SLC6A7: variants seen among roughly 807,000 people sequenced by gnomAD.
SLC6A7 encodes solute carrier family 6 member 7.
A neutral mutation model predicts 73.1 loss-of-function variants in SLC6A7; 58 were observed. The ratio of observed to expected loss-of-function variants is 0.79; its 90% confidence interval spans 0.64 to 0.99. The LOEUF (loss-of-function observed/expected upper bound fraction) is 0.99, where lower values mean the gene tolerates loss of function less well. Among genes scored for constraint, SLC6A7 ranks in the 50% least tolerant of loss-of-function variants. The pLI, the probability that SLC6A7 is intolerant of heterozygous loss-of-function variation, is 0.00. For synonymous variants in SLC6A7, 338 were observed against 338.7 expected, an observed-to-expected ratio of 1.00 and a Z score of 0.02; for missense variants, 783 against 831.4, an observed-to-expected ratio of 0.94 and a Z score of 0.72.
Position 150,203,769 on chromosome 5 carries a change from T to C in SLC6A7, c.1190T>C (p.Leu397Pro). Residue 397 changes from leucine to proline, a missense_variant, in exon 9 of 14, where the codon CTA becomes CCA. Physicochemically the swap from Leu to Pro is moderately conservative, Grantham distance 98 (BLOSUM62 -3). Coordinates refer to ENST00000230671, the MANE Select transcript of SLC6A7 (RefSeq NM_014228.5). The part of the protein sequence containing the change: ...LFFFMLLTLG[L>P]DSQFAFLETI... The stretch of plus-strand genomic sequence containing the variant: ...TTCTTCATGCTTCTGACTCTCGGCC[T>C]AGATAGCCAGGTGAGTCTCGTCTGT... 5 of 1,597,138 alleles carry C rather than the reference T, an allele frequency of 3.1e-6. No individual in the cohort carries two copies. Among genetic ancestry groups the C allele is most frequent in the Non-Finnish European group, 4.3e-6 (5 of 1,165,472 alleles).
At chr5:150,203,642 C>CT (rs1337524654) in intron 8 of SLC6A7, 25 bp from the exon 9 acceptor site, 1 of 1,248,686 alleles carries the variant, frequency 8.0e-7, no homozygotes, top group Admixed American at 1.7e-5. Context: ...ACCCAAGCTG[C>CT]TGACCCCGTG....
chr5:150,194,603 T>C lies in SLC6A7; in HGVS notation c.34-125T>C, dbSNP rs185788884. On this transcript the variant is annotated intron_variant, in intron 1 of 13. Coordinates refer to ENST00000230671, the MANE Select transcript of SLC6A7 (RefSeq NM_014228.5). ...CAAGGTTAGTCCAGTTGAGAGCACT[T>C]GATTATCTGGACTGAGAATGTCTTT... 3 of 745,104 alleles carry C rather than the reference T, an allele frequency of 4.0e-6. No individual in the cohort carries two copies. The East Asian group carries it at 8.1e-5, about 20-fold the overall frequency. 46.2% of individuals were successfully genotyped at this position (745,104 alleles called of 1,614,324 possible).
chr5:150,209,574 G>A lies in SLC6A7; in HGVS notation c.1870G>A (p.Val624Met). 6.2e-7 allele frequency: 1 copy of A among 1,613,330 alleles called. No homozygotes were observed. The change falls in exon 14 of 14, where the codon GTG (valine) becomes ATG (methionine). Residue 624 changes from valine to methionine, a missense_variant. Transcript: ENST00000230671. The stretch of plus-strand genomic sequence containing the variant: ...CAGCTTCGAGAACACGGCCATCGAG[G>A]TGGACCGTGAGATTGCAGAGGAGGA... ...ITSFENTAIE[V>M]DREIAEEEES...
Position 150,202,653 on chromosome 5 carries a change from G to A in SLC6A7, c.1037G>A (p.Gly346Asp). The change falls in exon 8 of 14, where the codon GGC becomes GAC. Residue 346 changes from glycine (G) to aspartate (D), a missense_variant. Coordinates refer to ENST00000230671, the MANE Select transcript of SLC6A7 (RefSeq NM_014228.5). ...GGCTTTGCCATCTTCTCCGTGCTGG[G>A]CTACATGTCTCAGGAGCTGGGCGTG... ...LAGFAIFSVL[G>D]YMSQELGVPV... 1 of 1,614,222 alleles carries A rather than the reference G, an allele frequency of 6.2e-7. No individual in the cohort carries two copies. The highest frequency in any genetic ancestry group is 2.2e-5 in the East Asian group (1 of 44,884).
chr5:150,201,293 T>C, intron 6 of SLC6A7, 70 bp downstream of exon 6: 1 of 1,288,048 alleles, frequency 7.8e-7, no homozygotes, highest in Middle Eastern at 1.9e-4. Flanking sequence ...GAGGGCTCCC[T>C]GGGACACCGC....
Position 150,205,624 on chromosome 5 carries a change from G to A in SLC6A7, c.1701+1G>A. 3 of 1,604,796 alleles carry A rather than the reference G, an allele frequency of 1.9e-6. No individual in the cohort carries two copies. Among genetic ancestry groups the A allele is most frequent in the Admixed American group, 1.7e-5 (1 of 59,512 alleles). On this transcript the variant is annotated splice_donor_variant, in intron 13 of 13. Transcript: ENST00000230671. LOFTEE classifies it high-confidence loss of function. Reference sequence around the variant, plus strand: ...TCGAGAAGAGGGCTCACTCTGGGAGGTGAGTCTGCCCACCCTGTCCACTCT... The same window carrying A: ...TCGAGAAGAGGGCTCACTCTGGGAGATGAGTCTGCCCACCCTGTCCACTCT...
At chr5:150,190,431 C>A (rs984000724) in intron 1 of SLC6A7, 71 bp downstream of exon 1, 2 of 1,121,342 alleles carry the variant, frequency 1.8e-6, no homozygotes, top group East Asian at 3.2e-5. Flanking sequence ...CCCAACGAGG[C>A]CCCTGGGGAA....
chr5:150,205,980 G>A (rs898801040), intron 13 of SLC6A7, among the ~76,000 whole-genome samples: 1 of 152,180 alleles, frequency 6.6e-6, no homozygotes, highest in Non-Finnish European at 1.5e-5. Context: ...CAGAGGGCAG[G>A]CTATCACCCT....
chr5:150,209,798 C>A lies in SLC6A7; in HGVS notation c.*183C>A. The stretch of plus-strand genomic sequence containing the variant: ...TGCCTCTCCTGAAACCTCTGACAAC[C>A]CCCTACACACACACACAGGCATACT... On this transcript the variant is annotated 3_prime_UTR_variant, in exon 14 of 14. Coordinates refer to ENST00000230671, the MANE Select transcript of SLC6A7 (RefSeq NM_014228.5). The A allele has an allele frequency of 3.2e-6, 2 of 616,736 alleles. No homozygotes were observed. The highest frequency in any genetic ancestry group is 3.9e-5 in the South Asian group (2 of 51,674). The allele number at this position is 616,736 out of a possible 1,614,324, so 38.2% of individuals were successfully genotyped here.
intron 8 of SLC6A7, among the ~76,000 whole-genome samples, chr5:150,203,372 ATG>A (rs1753491756): frequency 6.6e-6 from 1 of 152,192 alleles, no homozygotes; most frequent in Non-Finnish European, 1.5e-5. Flanking sequence ...ATGCATGTAA[ATG>A]TGTGTGTTAG....
chr5:150,197,122 C>G lies in SLC6A7; in HGVS notation c.430C>G (p.Leu144Val), dbSNP rs200058333. The change falls in exon 4 of 14, where the codon CTC becomes GTC. Residue 144 changes from leucine (L) to valine (V), a missense_variant. By Grantham distance (32) the Leu-to-Val change is conservative. Transcript: ENST00000230671. ...NMIIAYVLFYLFASLTSDLPW... is the reference protein window; with the variant it reads ...NMIIAYVLFYVFASLTSDLPW... Reference sequence around the variant, plus strand: ...GATCATCGCCTACGTGCTCTTCTACCTCTTCGCCTCCCTCACCAGCGACCT... The same window carrying G: ...GATCATCGCCTACGTGCTCTTCTACGTCTTCGCCTCCCTCACCAGCGACCT... 1 of 1,614,136 alleles carries G rather than the reference C, an allele frequency of 6.2e-7. No homozygotes were observed. The highest frequency in any genetic ancestry group is 1.3e-5 in the African/African-American group (1 of 75,062).
chr5:150,196,635 G>A, intron 2 of SLC6A7, 81 bp from the exon 3 acceptor site: 2 of 1,414,174 alleles, frequency 1.4e-6, no homozygotes, highest in Non-Finnish European at 1.9e-6. Flanking sequence ...GCATCTGCAG[G>A]CCAGGGGAGG....
chr5:150,200,458 A>T (rs1047616140), intron 5 of SLC6A7, among the ~76,000 whole-genome samples: 1 of 152,128 alleles, frequency 6.6e-6, no homozygotes, highest in Non-Finnish European at 1.5e-5. Context: ...GTGCCACTGC[A>T]CTCCAGCCTG....
intron 8 of SLC6A7, 21 bp from the exon 9 acceptor site, chr5:150,203,645 AC>A (rs776199951): frequency 6.3e-5 from 81 of 1,285,434 alleles, no homozygotes; most frequent in Middle Eastern, 1.8e-4. Context: ...CAAGCTGCTG[AC>A]CCCGTGTGCC....
intron 13 of SLC6A7, among the ~76,000 whole-genome samples, 196 bp downstream of exon 13, chr5:150,205,819 G>A (rs914524847): frequency 6.6e-6 from 1 of 152,208 alleles, no homozygotes; most frequent in Non-Finnish European, 1.5e-5. Context: ...AAGCCTTAGG[G>A]GAGTGGGTGG....
intron 4 of SLC6A7, among the ~76,000 whole-genome samples, chr5:150,197,962 G>A (rs1450726406): frequency 2.6e-5 from 4 of 152,028 alleles, no homozygotes; most frequent in Middle Eastern, 3.4e-3. Context: ...TCGGAAGGAC[G>A]TTGCACTCAT....
Position 150,202,637 on chromosome 5 carries a change from A to G in SLC6A7, c.1021A>G (p.Ile341Val), listed in dbSNP as rs577849193. Residue 341 changes from isoleucine to valine, a missense_variant, in exon 8 of 14, where the codon ATC becomes GTC. Coordinates refer to ENST00000230671, the MANE Select transcript of SLC6A7 (RefSeq NM_014228.5). Reference sequence around the variant, plus strand: ...CACCAGCATCCTGGCTGGCTTTGCCATCTTCTCCGTGCTGGGCTACATGTC... The same window carrying G: ...CACCAGCATCCTGGCTGGCTTTGCCGTCTTCTCCGTGCTGGGCTACATGTC... ...AITSILAGFA[I>V]FSVLGYMSQE... The G allele has an allele frequency of 6.2e-7, 1 of 1,614,218 alleles. No individual in the cohort carries two copies. The highest frequency in any genetic ancestry group is 1.3e-5 in the African/African-American group (1 of 75,058).
At position 150,209,678 on chromosome 5, in the gene SLC6A7, C is replaced by A; in HGVS notation, c.*63C>A. 7.6e-7 allele frequency: 1 copy of A among 1,320,022 alleles called. No individual in the cohort carries two copies. Among genetic ancestry groups the A allele is most frequent in the Non-Finnish European group, 1.1e-6 (1 of 939,332 alleles). The allele number at this position is 1,320,022 out of a possible 1,614,324, so 81.8% of individuals were successfully genotyped here. A position where few individuals can be genotyped will look rare whatever the true frequency, so the allele number is the denominator to read the frequency against. ...CTCACAGTCCCTTCTTAGAAGCCTG[C>A]AAAGGTCAGCTGTGCCCTCTGGGAT... On this transcript the variant is annotated 3_prime_UTR_variant, in exon 14 of 14. Coordinates refer to ENST00000230671, the MANE Select transcript of SLC6A7 (RefSeq NM_014228.5).
At chr5:150,200,478 G>A (rs547054609) in intron 5 of SLC6A7, among the ~76,000 whole-genome samples, 2 of 152,322 alleles carry the variant, frequency 1.3e-5, no homozygotes, top group South Asian at 4.1e-4. Flanking sequence ...GGGAGGCTGA[G>A]TGAGACTCCG....
Sources: allele counts gnomAD v4.1 joint callset (sites outside exome capture counted in the v4.1 genomes callset), GRCh38; gene constraint gnomAD v4.1.1; transcripts MANE v1.5; gene names NCBI Gene and HGNC (gene_info 2026-07-23, HGNC 2026-07-21).